Variants in PIGU observed in about 807,000 individuals in gnomAD.
The protein encoded by PIGU is phosphatidylinositol glycan anchor biosynthesis class U.
A neutral mutation model predicts 49.9 loss-of-function variants in PIGU; 24 were observed. That is an observed-to-expected ratio of 0.48 (90% confidence interval 0.35 to 0.68). PIGU has a LOEUF of 0.68. Among genes scored for constraint, PIGU ranks in the 30% least tolerant of loss-of-function variants. PIGU has a pLI of 0.01. For synonymous variants in PIGU, 220 were observed against 205.7 expected, an observed-to-expected ratio of 1.07 and a Z score of -0.59; for missense variants, 490 against 532.6, an observed-to-expected ratio of 0.92 and a Z score of 0.79.
intron 8 of PIGU, among the ~76,000 whole-genome samples, chr20:34,586,367 T>C (rs1306178862): frequency 6.6e-6 from 1 of 152,088 alleles, no homozygotes; most frequent in Non-Finnish European, 1.5e-5. Context: ...TTGCTGTAAC[T>C]ATACCTCCTT....
intron 1 of PIGU, among the ~76,000 whole-genome samples, chr20:34,658,766 C>T (rs1234008842): frequency 2.5e-4 from 38 of 151,830 alleles, no homozygotes; most frequent in African/African-American, 3.6e-4. Flanking sequence ...GCAGCCGCCC[C>T]GTCTGAGAAG....
intron 4 of PIGU, among the ~76,000 whole-genome samples, chr20:34,638,377 T>C (rs544528203): frequency 7.9e-4 from 121 of 152,350 alleles, no homozygotes; most frequent in African/African-American, 2.8e-3. Context: ...AGTAACTTTT[T>C]CACTTATTTA....
At chr20:34,567,217 C>T (rs770238738) in intron 11 of PIGU, among the ~76,000 whole-genome samples, 3 of 152,328 alleles carry the variant, frequency 2.0e-5, no homozygotes, top group Admixed American at 6.5e-5. Flanking sequence ...GGCTGGCGGC[C>T]GACTGTGGAG....
At chr20:34,658,045 C>T (rs961982437) in intron 1 of PIGU, among the ~76,000 whole-genome samples, 3 of 152,070 alleles carry the variant, frequency 2.0e-5, no homozygotes, top group East Asian at 3.9e-4. Context: ...GATGCCGAGC[C>T]GAAGCTGGAC....
chr20:34,612,196 C>T lies in PIGU; in HGVS notation c.627+3846G>A, dbSNP rs139806847. 4.6e-3 allele frequency among the ~76,000 whole-genome samples: 693 copies of T among 152,282 alleles called. 5 individuals carry two copies. The highest frequency in any genetic ancestry group is 0.014 in the Middle Eastern group (4 of 294). On this transcript the variant is annotated intron_variant, in intron 7 of 11. Coordinates refer to ENST00000217446, the MANE Select transcript of PIGU (RefSeq NM_080476.5). The stretch of plus-strand genomic sequence containing the variant: ...GCAGCCATAAAAAAGGAGTTCACGT[C>T]CTTTGCAGGGACATGGATGAAGCTG...
Position 34,560,908 on chromosome 20 carries a change from C to G in PIGU, c.1266G>C (p.Leu422Phe), listed in dbSNP as rs1187534737. ...REYYLTHGLY[L>F]TAKDGTEAML... ...TGGCCTCTGTGCCATCCTTGGCGGT[C>G]AAGTAGAGGCCATGTGTGAGGTAGT... The change falls in exon 12 of 12, where the codon TTG becomes TTC. Residue 422 changes from leucine to phenylalanine, a missense_variant. Transcript: ENST00000217446. 1 of 1,612,720 alleles carries G rather than the reference C, an allele frequency of 6.2e-7. No individual in the cohort carries two copies. Among genetic ancestry groups the G allele is most frequent in the Non-Finnish European group, 8.5e-7 (1 of 1,179,224 alleles).
At chr20:34,567,592 C>T (rs931152352) in intron 11 of PIGU, among the ~76,000 whole-genome samples, 31 of 41,656 alleles carry the variant, frequency 7.4e-4, no homozygotes, top group African/African-American at 1.8e-3. Context: ...CTGCTCTTCC[C>T]AGCAGTGAGG....
At chr20:34,561,022 C>T (rs373811109) in intron 11 of PIGU, 43 bp from the exon 12 acceptor site, 7 of 1,401,802 alleles carry the variant, frequency 5.0e-6, no homozygotes, top group Non-Finnish European at 7.0e-6. Flanking sequence ...GGGTACCTCC[C>T]CCTAAACCCA....
At chr20:34,628,732 T>C (rs1413044662) in intron 6 of PIGU, among the ~76,000 whole-genome samples, 1 of 152,014 alleles carries the variant, frequency 6.6e-6, no homozygotes, top group Admixed American at 6.6e-5. Context: ...GTGCCTGTAG[T>C]CCCAGCTACT....
intron 6 of PIGU, among the ~76,000 whole-genome samples, chr20:34,625,255 C>T (rs1208848099): frequency 6.6e-6 from 1 of 151,378 alleles, no homozygotes; most frequent in East Asian, 1.9e-4. Flanking sequence ...GTAATCCCAG[C>T]TATTCGGGAA....
At chr20:34,634,553 A>G in intron 6 of PIGU, 62 bp downstream of exon 6, 1 of 1,518,834 alleles carries the variant, frequency 6.6e-7, no homozygotes, top group African/African-American at 1.4e-5. Flanking sequence ...CCACAGCACA[A>G]GTGTTGCAAA....
intron 1 of PIGU, among the ~76,000 whole-genome samples, chr20:34,670,343 C>T (rs1318411752): frequency 6.6e-6 from 1 of 151,896 alleles, no homozygotes; most frequent in Non-Finnish European, 1.5e-5. Context: ...GCTCCTGCCA[C>T]CACACCCAGC....
intron 11 of PIGU, among the ~76,000 whole-genome samples, chr20:34,565,834 TCACACACAGGTGCA>T (rs895161276): frequency 3.9e-4 from 28 of 71,754 alleles, no homozygotes; most frequent in Middle Eastern, 8.5e-3. Context: ...CGCACTGCAC[TCACACACAGGTGCA>T]CACACACAGG....
chr20:34,572,359 A>C (rs947571261), intron 11 of PIGU, among the ~76,000 whole-genome samples: 1 of 151,958 alleles, frequency 6.6e-6, no homozygotes, highest in Non-Finnish European at 1.5e-5. Flanking sequence ...TTAAAGTGAC[A>C]AAATAGGCTG....
intron 9 of PIGU, among the ~76,000 whole-genome samples, chr20:34,582,698 TA>T (rs1983533349): frequency 6.6e-6 from 1 of 150,756 alleles, no homozygotes; most frequent in Non-Finnish European, 1.5e-5. Flanking sequence ...AAAAAAAAAG[TA>T]GGCAATCCTC....
chr20:34,645,387 T>C, intron 2 of PIGU, 53 bp from the exon 3 acceptor site: 1 of 1,515,476 alleles, frequency 6.6e-7, no homozygotes, highest in Non-Finnish European at 8.8e-7. Context: ...CTTACTATTA[T>C]CAGTTTCCAG....
At chr20:34,602,243 G>C (rs1405482859) in intron 7 of PIGU, among the ~76,000 whole-genome samples, 1 of 150,768 alleles carries the variant, frequency 6.6e-6, no homozygotes, top group African/African-American at 2.4e-5. Context: ...GACTGCGCCA[G>C]TGCACTCCAG....
intron 10 of PIGU, among the ~76,000 whole-genome samples, chr20:34,577,988 A>G (rs190991852): frequency 1.6e-4 from 25 of 152,328 alleles, no homozygotes; most frequent in African/African-American, 6.0e-4. Flanking sequence ...TTTTCAAGTT[A>G]CAGTTCATTC....
At chr20:34,601,339 G>A (rs1984417582) in intron 7 of PIGU, among the ~76,000 whole-genome samples, 1 of 152,076 alleles carries the variant, frequency 6.6e-6, no homozygotes, top group East Asian at 1.9e-4. Flanking sequence ...GTAATTTGAA[G>A]TATGTACTGC....
Sources: gnomAD v4.1 joint callset for allele counts (sites outside exome capture counted in the v4.1 genomes callset) on GRCh38, gnomAD v4.1.1 for gene constraint, MANE v1.5 for transcripts, NCBI Gene and HGNC (gene_info 2026-07-23, HGNC 2026-07-21) for gene names.